Variants in UGT2B7 observed in about 807,000 individuals in gnomAD.
UGT2B7 encodes UDP-glucuronosyltransferase 2B7.
UGT2B7 carries 51 observed loss-of-function variants against 51.9 expected under a neutral mutation model. That is an observed-to-expected ratio of 0.98 (90% CI 0.78 to 1.24). The LOEUF is 1.24. Ranked by LOEUF, UGT2B7 falls within the 50% of genes most tolerant of loss-of-function variation. The pLI is 0.00. For synonymous variants in UGT2B7, 225 were observed against 211.6 expected (o/e 1.06, Z -0.55); for missense variants, 727 against 628.4 (o/e 1.16, Z -1.68).
intron 1 of UGT2B7, among the ~76,000 whole-genome samples, chr4:69,077,012 T>G (rs142136284): frequency 0.024 from 3,650 of 152,320 alleles, 55 homozygotes; most frequent in Non-Finnish European, 0.038. Context: ...TAGCCAGTTT[T>G]CCCAGCACCA....
intron 1 of UGT2B7, among the ~76,000 whole-genome samples, chr4:69,052,128 C>G (rs1718035259): frequency 6.6e-6 from 1 of 151,956 alleles, no homozygotes; most frequent in Admixed American, 6.6e-5. Flanking sequence ...AATAGACTGG[C>G]CAGCATTAGA....
intron 1 of UGT2B7, among the ~76,000 whole-genome samples, chr4:69,074,077 G>T (rs7436912): frequency 0.43 from 65,143 of 151,872 alleles, 15,523 homozygotes; most frequent in African/African-American, 0.64. Flanking sequence ...AGGCATGGTG[G>T]TTCACATCTG....
rs550377447 is a variant in UGT2B7, at chr4:69,053,736, T to C, written c.-159+2134T>C. On this transcript the variant is annotated intron_variant, in intron 1 of 5. Transcript: ENST00000502942. ...TCCTTAGAGACCTGAAAGGATGCAG[T>C]GAGCTTAAGAATTTTCGAAAGGTTA... 3.9e-5 allele frequency among the ~76,000 whole-genome samples: 6 copies of C among 152,186 alleles called. No homozygotes were observed. In the East Asian group the frequency reaches 1.2e-3, roughly 29 times the overall value.
chr4:69,077,839 G>A (rs949509984), intron 1 of UGT2B7, among the ~76,000 whole-genome samples: 3 of 152,158 alleles, frequency 2.0e-5, no homozygotes, highest in Non-Finnish European at 4.4e-5. Flanking sequence ...GTGAGAGAGG[G>A]CATCCTTGCC....
rs530204118 is a variant in UGT2B7, at chr4:69,070,877, T to C, written c.-158-18595T>C. ...GCGTGGCGTTTAGGCAAGTTCTTCA[T>C]GTTAAATAGATGTTTCCAATTCATA... On this transcript the variant is annotated intron_variant, in intron 1 of 5. Transcript: ENST00000502942. Among the ~76,000 whole-genome samples, 4 of 152,218 alleles carry C rather than the reference T, an allele frequency of 2.6e-5. No homozygotes were observed. The South Asian group carries it at 8.3e-4, about 32-fold the overall frequency.
chr4:69,096,574 T>TATAA lies in UGT2B7; in HGVS notation c.55_56insTAAA (p.Ser19IlefsTer28). The TATAA allele has an allele frequency of 6.2e-7, 1 of 1,613,982 alleles. No homozygotes were observed. The highest frequency in any genetic ancestry group is 8.5e-7 in the Non-Finnish European group (1 of 1,179,874). ...TGCTAATACAACTGAGCTTTTGCTT[T>TATAA]AGCTCTGGGAATTGTGGAAAGGTGC... On this transcript the variant is annotated frameshift_variant, in exon 1 of 6. Transcript: ENST00000305231. LOFTEE classifies it high-confidence loss of function.
At chr4:69,068,194 A>G (rs1022989419) in intron 1 of UGT2B7, among the ~76,000 whole-genome samples, 2 of 152,058 alleles carry the variant, frequency 1.3e-5, no homozygotes, top group East Asian at 3.9e-4. Context: ...CATGACAATC[A>G]ATCTCTAATT....
At chr4:69,089,110 T>A (rs1160580870) in intron 1 of UGT2B7, among the ~76,000 whole-genome samples, 1 of 152,176 alleles carries the variant, frequency 6.6e-6, no homozygotes, top group Non-Finnish European at 1.5e-5. Flanking sequence ...TGGGAATTAA[T>A]GTTGGGAGGT....
intron 1 of UGT2B7, among the ~76,000 whole-genome samples, chr4:69,063,727 C>G (rs1577908205): frequency 6.6e-6 from 1 of 152,228 alleles, no homozygotes; most frequent in East Asian, 1.9e-4. Context: ...CTCCAGATTC[C>G]CTCTTAGGAG....
intron 1 of UGT2B7, among the ~76,000 whole-genome samples, chr4:69,058,225 C>T (rs1178158863): frequency 6.6e-6 from 1 of 152,116 alleles, no homozygotes; most frequent in Non-Finnish European, 1.5e-5. Context: ...AGGGAAGAGA[C>T]CCTTCCTCCA....
At chr4:69,077,272 T>A (rs1577913208) in intron 1 of UGT2B7, among the ~76,000 whole-genome samples, 1 of 147,258 alleles carries the variant, frequency 6.8e-6, no homozygotes, top group Admixed American at 6.9e-5. Flanking sequence ...AGGCTCTTTT[T>A]TGGTTCCATA....
chr4:69,094,426 G>A (rs1719165611), upstream of UGT2B7, among the ~76,000 whole-genome samples: 2 of 29,200 alleles, frequency 6.8e-5, 1 homozygote, highest in Non-Finnish European at 1.0e-4. Flanking sequence ...GGGATTACAG[G>A]CGTGAGCCAC....
chr4:69,080,779 T>C (rs940409449), intron 1 of UGT2B7, among the ~76,000 whole-genome samples: 4 of 152,146 alleles, frequency 2.6e-5, no homozygotes, highest in Non-Finnish European at 4.4e-5. Flanking sequence ...CACCATGGAA[T>C]ATCTCTAATG....
chr4:69,060,319 C>T (rs975999899), intron 1 of UGT2B7, among the ~76,000 whole-genome samples: 3 of 152,218 alleles, frequency 2.0e-5, no homozygotes, highest in African/African-American at 4.8e-5. Flanking sequence ...ACCATTTGTA[C>T]ACTTCCTACT....
In UGT2B7 at chr4:69,102,879, A is replaced by T. The variant is rs755080081; in HGVS notation, c.943A>T (p.Asn315Tyr). 8 of 1,613,706 alleles carry T rather than the reference A, an allele frequency of 5.0e-6. No homozygotes were observed. The South Asian group carries it at 8.8e-5, about 18-fold the overall frequency. Residue 315 changes from asparagine (N) to tyrosine (Y), a missense_variant, in exon 3 of 6, where the codon AAC (asparagine) becomes TAC (tyrosine). Asn to Tyr is a moderately radical substitution (Grantham distance 143, BLOSUM62 -2). Coordinates refer to ENST00000305231, the MANE Select transcript of UGT2B7 (RefSeq NM_001074.4). ...GTTTTCTCTGGGGTCAATGGTCAGT[A>T]ACATGACAGAAGAAAGGGCCAACGT... The part of the protein sequence containing the change: ...VVFSLGSMVS[N>Y]MTEERANVIA...
Position 69,102,804 on chromosome 4 carries a change from C to T in UGT2B7, c.871-3C>T, listed in dbSNP as rs1223801555. ...TGTGATGAAGCAAATTCTTTCTTCA[C>T]AGGAAATGGAAGACTTTGTACAGAG... On this transcript the variant is annotated splice_polypyrimidine_tract_variant and splice_region_variant and intron_variant, in intron 2 of 5. Transcript: ENST00000305231. 3 of 1,611,210 alleles carry T rather than the reference C, an allele frequency of 1.9e-6. No homozygotes were observed. Among genetic ancestry groups the T allele is most frequent in the Admixed American group, 3.4e-5 (2 of 59,380 alleles).
At chr4:69,084,101 TA>T (rs528715580) in intron 1 of UGT2B7, among the ~76,000 whole-genome samples, 131 of 152,246 alleles carry the variant, frequency 8.6e-4, no homozygotes, top group African/African-American at 3.1e-3. Context: ...ATGTAAATTT[TA>T]TCAAATGCTT....
Position 69,057,335 on chromosome 4 carries a change from T to TAC in UGT2B7, c.-159+5746_-159+5747dup, listed in dbSNP as rs370502012. 3.4e-3 allele frequency among the ~76,000 whole-genome samples: 514 copies of TAC among 149,618 alleles called. 2 individuals carry two copies. Among genetic ancestry groups the TAC allele is most frequent in the African/African-American group, 0.01 (409 of 40,800 alleles). ...AAGTTTTGCCTGTGGCTTGTCCTGC[T>TAC]ACACACACACACACGCACACTTGCA... is the stretch of plus-strand genomic sequence containing the variant. On this transcript the variant is annotated intron_variant, in intron 1 of 5. Coordinates refer to the UGT2B7 transcript ENST00000502942.
At chr4:69,101,631 A>T (rs34561399) in intron 2 of UGT2B7, among the ~76,000 whole-genome samples, 1 of 126,972 alleles carries the variant, frequency 7.9e-6, no homozygotes, top group Admixed American at 7.5e-5. Flanking sequence ...TCATGTTAAG[A>T]TTAAAAATCA....
Sources: allele counts gnomAD v4.1 joint callset (sites outside exome capture counted in the v4.1 genomes callset), GRCh38; gene constraint gnomAD v4.1.1; transcripts MANE v1.5; gene names NCBI Gene and HGNC (gene_info 2026-07-23, HGNC 2026-07-21).